Variants in DUSP15 observed in about 807,000 individuals in gnomAD.
DUSP15 encodes the protein dual specificity phosphatase 15, also known as dual specificity protein phosphatase 15.
Under a neutral mutation model 26.3 loss-of-function variants are expected in DUSP15, and 23 were observed. That is an observed-to-expected ratio of 0.87 (90% CI 0.63 to 1.24). The LOEUF (loss-of-function observed/expected upper bound fraction) is 1.24. Ranked by LOEUF, DUSP15 falls within the 50% of genes most tolerant of loss-of-function variation. The probability of loss-of-function intolerance (pLI) is 0.00; values close to 1 mark genes in which losing one functional copy is unlikely to be tolerated. For synonymous variants in DUSP15, 143 were observed against 135.5 expected (o/e 1.06, Z -0.39); for missense variants, 364 against 320.6 (o/e 1.14, Z -1.03).
downstream of DUSP15, chr20:31,847,543 A>T (rs1311460702): frequency 6.6e-6 from 1 of 152,200 alleles, no homozygotes; most frequent in Non-Finnish European, 1.5e-5. Context: ...TGGCTTATTA[A>T]TGTATCATTA....
chr20:31,860,954 G>C, downstream of DUSP15: 1 of 989,690 alleles, frequency 1.0e-6, no homozygotes, highest in Non-Finnish European at 1.2e-6. Context: ...GCCCCCAGGG[G>C]ATGCAGGCTC....
At chr20:31,848,301 G>A (rs543826987) in exon 10 of DUSP15, 39 of 1,342,992 alleles carry the variant, frequency 2.9e-5, no homozygotes, top group African/African-American at 1.7e-4. Context: ...CACCTCTGCC[G>A]TCCGGCAGAC....
chr20:31,866,855 C>A (rs1244724335), intron 3 of DUSP15, among the ~76,000 whole-genome samples: 1 of 152,254 alleles, frequency 6.6e-6, no homozygotes, highest in Non-Finnish European at 1.5e-5. Flanking sequence ...CCCAACTCCT[C>A]AGCTTCCTGG....
intron 5 of DUSP15, 71 bp from the exon 6 acceptor site, chr20:31,862,813 C>A: frequency 6.9e-7 from 1 of 1,441,858 alleles, no homozygotes; most frequent in South Asian, 1.4e-5. Context: ...GCACCCCACC[C>A]TGCTTCAACT....
At position 31,861,496 on chromosome 20, in the gene DUSP15, G is replaced by C. The variant is rs770211969; in HGVS notation, c.615C>G (p.Pro205=). 125 of 1,532,296 alleles carry C rather than the reference G, an allele frequency of 8.2e-5. No individual in the cohort carries two copies. Among genetic ancestry groups the C allele is most frequent in the Non-Finnish European group, 1.1e-4 (124 of 1,148,798 alleles). 94.9% of individuals were successfully genotyped at this position (1,532,296 alleles called of 1,614,324 possible). Residue 205 remains proline, a synonymous_variant, in exon 7 of 7, where the codon CCC becomes CCG. Coordinates refer to ENST00000339738, the MANE Select transcript of DUSP15 (RefSeq NM_080611.5). ...GTVQRLVPRT[P]REAHRPLPLL... is the part of the protein sequence containing the mutation. ...GCGGCAGCGGCCGGTGGGCTTCCCG[G>C]GGCGTGCGCGGCACCAGGCGCTGCA...
In DUSP15 at chr20:31,870,517, G is replaced by A. The variant is rs2062901075; in HGVS notation, c.-180C>T. ...GCCACCGCCCGCCGACCCCCGGCCC[G>A]GGAGGGAAATGGTGGTGGAGCCGCC... On this transcript the variant is annotated 5_prime_UTR_variant, in exon 1 of 7. Transcript: ENST00000339738. This position sits in a 1 kb window ranked among gnomAD's most constrained non-coding sequence, Gnocchi z 6.6. 2 of 1,430,122 alleles carry A rather than the reference G, an allele frequency of 1.4e-6. No individual in the cohort carries two copies. The highest frequency in any genetic ancestry group is 2.6e-5 in the Admixed American group (1 of 37,802). 88.6% of individuals were successfully genotyped at this position (1,430,122 alleles called of 1,614,324 possible).
chr20:31,868,970 C>G (rs933691597), intron 2 of DUSP15, among the ~76,000 whole-genome samples: 2 of 152,194 alleles, frequency 1.3e-5, no homozygotes, highest in Non-Finnish European at 2.9e-5. Context: ...TCACCGCCCC[C>G]CCAACTTCCA....
downstream of DUSP15, among the ~76,000 whole-genome samples, chr20:31,846,475 A>AGAGAGAGAGAGAGAGAGAGAGAGAGAGG (rs71274237): frequency 1.3e-5 from 1 of 79,616 alleles, no homozygotes; most frequent in African/African-American, 7.4e-5. Context: ...AGAGAGAGAG[A>AGAGAGAGAGAGAGAGAGAGAGAGAGAGG]GGAGAGAGAG....
At chr20:31,848,359 G>T (rs2062401179) in exon 10 of DUSP15, 1 of 1,586,760 alleles carries the variant, frequency 6.3e-7, no homozygotes, top group Non-Finnish European at 8.6e-7. Flanking sequence ...CTTAGTGTGG[G>T]CAGGGTTGGG....
At chr20:31,867,190 C>T (rs1408135064) in intron 2 of DUSP15, 37 bp from the exon 3 acceptor site, 15 of 1,550,826 alleles carry the variant, frequency 9.7e-6, no homozygotes, top group Admixed American at 5.8e-5. Context: ...ATCTGGCTGG[C>T]GGGATGTCCT....
chr20:31,848,421 A>G (rs2062402794), exon 10 of DUSP15: 1 of 1,611,534 alleles, frequency 6.2e-7, no homozygotes, highest in African/African-American at 1.3e-5. Flanking sequence ...GTACAAGAAG[A>G]GGAAGCGGCT....
At chr20:31,850,747 A>G (rs2062455638) in intron 6 of DUSP15, 1 of 1,508,214 alleles carries the variant, frequency 6.6e-7, no homozygotes. Flanking sequence ...GGAGGAGGCC[A>G]GGGAGGAGGC....
exon 10 of DUSP15, chr20:31,848,149 T>C: frequency 4.1e-6 from 2 of 483,248 alleles, no homozygotes; most frequent in South Asian, 6.4e-5. Context: ...AGATGAAGTC[T>C]TGCTTCTGCT....
At chr20:31,846,193 G>C (rs529017986), downstream of DUSP15, among the ~76,000 whole-genome samples, 229 of 146,450 alleles carry the variant, frequency 1.6e-3, 1 homozygote, top group African/African-American at 5.4e-3. Context: ...CACAGAGACA[G>C]ACACACACAG....
downstream of DUSP15, among the ~76,000 whole-genome samples, chr20:31,856,392 C>G (rs150527866): frequency 2.6e-5 from 4 of 151,720 alleles, no homozygotes; most frequent in African/African-American, 9.7e-5. Flanking sequence ...AGGGGAGGGT[C>G]GAGGCTAGAT....
At chr20:31,853,953 T>C (rs1264618097) in intron 6 of DUSP15, among the ~76,000 whole-genome samples, 3 of 151,766 alleles carry the variant, frequency 2.0e-5, no homozygotes, top group African/African-American at 7.3e-5. Context: ...TTTCAGGAGG[T>C]AACATTTGTG....
At chr20:31,849,748 G>A (rs1349971876) in exon 8 of DUSP15, 1 of 1,540,524 alleles carries the variant, frequency 6.5e-7, no homozygotes, top group Non-Finnish European at 8.7e-7. Context: ...CTGCTGCAAC[G>A]TGAGGTGGCG....
At chr20:31,849,286 G>T (rs2062422189) in intron 8 of DUSP15, among the ~76,000 whole-genome samples, 1 of 151,962 alleles carries the variant, frequency 6.6e-6, no homozygotes, top group South Asian at 2.1e-4. Flanking sequence ...CCTTCTCCAT[G>T]CCAGCACCCC....
chr20:31,846,464 G>A (rs930189519), downstream of DUSP15, among the ~76,000 whole-genome samples: 4 of 150,752 alleles, frequency 2.7e-5, no homozygotes, highest in Non-Finnish European at 5.9e-5. Flanking sequence ...GAGAGAGAGA[G>A]AGAGAGAGAG....
Sources: allele counts gnomAD v4.1 joint callset (sites outside exome capture counted in the v4.1 genomes callset), GRCh38; gene constraint gnomAD v4.1.1; non-coding constraint Gnocchi (gnomAD v3.1); transcripts MANE v1.5; gene names NCBI Gene and HGNC (gene_info 2026-07-23, HGNC 2026-07-21).